The following CCDC91 variants were observed in gnomAD, a reference collection of about 807,000 sequenced individuals.
The protein encoded by CCDC91 is coiled-coil domain containing 91.
A neutral mutation model predicts 63.2 loss-of-function variants in CCDC91; 48 were observed. The ratio of observed to expected loss-of-function variants is 0.76; its 90% CI spans 0.60 to 0.97. The LOEUF (loss-of-function observed/expected upper bound fraction) is 0.97. CCDC91 is among the 50% of genes least tolerant of loss of function. The pLI, the probability that CCDC91 is intolerant of heterozygous loss-of-function variation, is 0.00. For synonymous variants in CCDC91, 167 were observed against 165.8 expected (o/e 1.01, Z -0.06); for missense variants, 500 against 494.6 (o/e 1.01, Z -0.10).
At chr12:28,223,093 A>AG (rs997015369) in intron 1 of CCDC91, among the ~76,000 whole-genome samples, 1 of 152,120 alleles carries the variant, frequency 6.6e-6, no homozygotes, top group South Asian at 2.1e-4. Context: ...ACCAAAGTAG[A>AG]GGGGGAAAAA....
At chr12:28,353,615 G>A (rs1403021979) in intron 6 of CCDC91, among the ~76,000 whole-genome samples, 1 of 152,166 alleles carries the variant, frequency 6.6e-6, no homozygotes, top group East Asian at 1.9e-4. Flanking sequence ...GGCTCTAGGA[G>A]AGAGGGGTAG....
Position 28,463,137 on chromosome 12 carries a change from A to G in CCDC91, c.1101+10483A>G, listed in dbSNP as rs547933331. ...TCAAAGATATTACAGTGAACTACAG[A>G]AATATGTCAAATTTATAAATTGTTC... is the stretch of plus-strand genomic sequence containing the variant. On this transcript the variant is annotated intron_variant, in intron 11 of 12. Coordinates refer to ENST00000536442, the MANE Select transcript of CCDC91 (RefSeq NM_018318.5). 5.3e-5 allele frequency among the ~76,000 whole-genome samples: 8 copies of G among 152,330 alleles called. No individual in the cohort carries two copies. The South Asian group carries it at 1.4e-3, about 28-fold the overall frequency.
chr12:28,249,136 T>G (rs1945953090), intron 1 of CCDC91, among the ~76,000 whole-genome samples: 1 of 152,100 alleles, frequency 6.6e-6, no homozygotes, highest in Admixed American at 6.5e-5. Flanking sequence ...TTGAGGAGAG[T>G]TGGCAGTCTT....
At chr12:28,350,692 A>T (rs149973263) in intron 6 of CCDC91, among the ~76,000 whole-genome samples, 2,540 of 152,266 alleles carry the variant, frequency 0.017, 26 homozygotes, top group South Asian at 0.029. Flanking sequence ...CAGCAGGGCC[A>T]CACTCCCTCT....
intron 11 of CCDC91, among the ~76,000 whole-genome samples, chr12:28,468,775 C>T (rs542952192): frequency 1.6e-4 from 25 of 151,796 alleles, no homozygotes; most frequent in Non-Finnish European, 3.2e-4. Flanking sequence ...GATGCAAGGA[C>T]GGTTAACAAA....
intron 6 of CCDC91, among the ~76,000 whole-genome samples, chr12:28,354,697 T>C (rs1943410837): frequency 6.6e-6 from 1 of 152,202 alleles, no homozygotes. Context: ...GAAGCTGTGT[T>C]ATTAGCAAGT....
chr12:28,441,145 C>T (rs901173657), intron 8 of CCDC91, among the ~76,000 whole-genome samples: 3 of 139,674 alleles, frequency 2.1e-5, no homozygotes, highest in African/African-American at 8.0e-5. Context: ...TGATAAAATA[C>T]TTAACATTTT....
intron 12 of CCDC91, among the ~76,000 whole-genome samples, chr12:28,509,965 T>G (rs918878623): frequency 4.6e-5 from 7 of 151,928 alleles, no homozygotes; most frequent in African/African-American, 1.7e-4. Context: ...GCTCTAGTAA[T>G]GCATCAGTTA....
intron 6 of CCDC91, among the ~76,000 whole-genome samples, chr12:28,336,594 G>C (rs1266973481): frequency 6.6e-6 from 1 of 152,072 alleles, no homozygotes; most frequent in East Asian, 1.9e-4. Flanking sequence ...AGCTTGAAAA[G>C]TCTTGCTTAA....
intron 1 of CCDC91, among the ~76,000 whole-genome samples, chr12:28,214,992 T>C (rs1224747706): frequency 6.6e-6 from 1 of 152,208 alleles, no homozygotes; most frequent in Admixed American, 6.6e-5. Context: ...TTTTGGATAT[T>C]AACATTTGAA....
intron 3 of CCDC91, among the ~76,000 whole-genome samples, chr12:28,264,819 GGTTT>G (rs1399664723): frequency 2.0e-5 from 3 of 151,598 alleles, no homozygotes; most frequent in Admixed American, 6.6e-5. Context: ...TTAATTCTTT[GGTTT>G]GTTTGTTCAT....
intron 12 of CCDC91, among the ~76,000 whole-genome samples, chr12:28,512,794 A>G (rs1266297131): frequency 1.3e-5 from 2 of 151,910 alleles, no homozygotes; most frequent in Non-Finnish European, 2.9e-5. Context: ...TACTGAATCA[A>G]TAAATGCCAA....
At chr12:28,458,180 T>C (rs1950139229) in intron 11 of CCDC91, among the ~76,000 whole-genome samples, 1 of 152,184 alleles carries the variant, frequency 6.6e-6, no homozygotes, top group Non-Finnish European at 1.5e-5. Flanking sequence ...CTGACTTCTT[T>C]AGTTTTGATT....
chr12:28,309,644 A>G (rs1305136653), intron 6 of CCDC91, among the ~76,000 whole-genome samples: 3 of 152,100 alleles, frequency 2.0e-5, no homozygotes, highest in African/African-American at 7.2e-5. Context: ...ACCAGTCTTA[A>G]TATTCATTCA....
chr12:28,475,692 A>G (rs1418897898), intron 11 of CCDC91, among the ~76,000 whole-genome samples: 2 of 151,832 alleles, frequency 1.3e-5, no homozygotes, highest in African/African-American at 4.8e-5. Context: ...CATGTAATGT[A>G]TTCTACCATG....
intron 12 of CCDC91, among the ~76,000 whole-genome samples, chr12:28,495,531 G>A (rs1278055997): frequency 6.6e-6 from 1 of 151,508 alleles, no homozygotes; most frequent in Non-Finnish European, 1.5e-5. Context: ...TGCTACCTCA[G>A]CGTCCCATAA....
At chr12:28,210,503 T>C (rs1230930788) in intron 1 of CCDC91, among the ~76,000 whole-genome samples, 1 of 152,142 alleles carries the variant, frequency 6.6e-6, no homozygotes, top group African/African-American at 2.4e-5. Flanking sequence ...AGTTTTTAAA[T>C]TGGATTACTG....
intron 12 of CCDC91, among the ~76,000 whole-genome samples, chr12:28,494,742 G>T (rs1952190784): frequency 6.6e-6 from 1 of 151,644 alleles, no homozygotes; most frequent in African/African-American, 2.4e-5. Flanking sequence ...GCTGTTATAG[G>T]TGTTCTCTGT....
intron 6 of CCDC91, among the ~76,000 whole-genome samples, chr12:28,354,650 A>G (rs1346174754): frequency 6.6e-6 from 1 of 152,196 alleles, no homozygotes; most frequent in East Asian, 1.9e-4. Context: ...GTATTCAGCC[A>G]TATTCCTTTT....
Sources: allele counts gnomAD v4.1 joint callset (sites outside exome capture counted in the v4.1 genomes callset), GRCh38; gene constraint gnomAD v4.1.1; transcripts MANE v1.5; gene names NCBI Gene and HGNC (gene_info 2026-07-23, HGNC 2026-07-21).